Variants in HSPG2 observed in about 807,000 individuals in gnomAD.
The protein encoded by HSPG2 is heparan sulfate proteoglycan 2, also known as basement membrane-specific heparan sulfate proteoglycan core protein.
Under a neutral mutation model 526.6 loss-of-function variants are expected in HSPG2, and 278 were observed. That is an observed-to-expected ratio of 0.53 (90% CI 0.48 to 0.58). The LOEUF is 0.58. Among genes scored for constraint, HSPG2 ranks in the 20% least tolerant of loss-of-function variants. The probability of loss-of-function intolerance (pLI) is 0.00; values close to 1 mark genes in which losing one functional copy is unlikely to be tolerated. For synonymous variants in HSPG2, 2,465 were observed against 2,555.4 expected, an observed-to-expected ratio of 0.96 and a Z score of 1.07; for missense variants, 5,354 against 6,099.5, an observed-to-expected ratio of 0.88 and a Z score of 4.07.
rs752054813 is a variant in HSPG2, at chr1:21,847,109, G to A, written c.8164+245C>T. 2.6e-5 allele frequency among the ~76,000 whole-genome samples: 4 copies of A among 152,188 alleles called. No homozygotes were observed. The highest frequency in any genetic ancestry group is 4.1e-4 in the South Asian group (2 of 4,830). On this transcript the variant is annotated intron_variant, in intron 62 of 96. Transcript: ENST00000374695. The surrounding 1 kb of genome is among the most constrained non-coding windows in gnomAD (Gnocchi z 4.1). ...AACTCACTTAACCCTCACAAAATTCGTAAACTTCCTGTGATGATGGAAATG... is the reference window on the plus strand; with the variant it reads ...AACTCACTTAACCCTCACAAAATTCATAAACTTCCTGTGATGATGGAAATG...
chr1:21,843,202 C>T, intron 66 of HSPG2, 95 bp downstream of exon 66: 7 of 1,567,600 alleles, frequency 4.5e-6, no homozygotes, highest in Non-Finnish European at 6.1e-6. Flanking sequence ...CTGCAGGCAA[C>T]AATAAGTGCC....
chr1:21,886,007 G>A (rs1267807587), intron 9 of HSPG2, among the ~76,000 whole-genome samples: 4 of 152,232 alleles, frequency 2.6e-5, no homozygotes, highest in Non-Finnish European at 5.9e-5. Context: ...CTTCCTCAGG[G>A]AGATGGAGCT....
intron 50 of HSPG2, among the ~76,000 whole-genome samples, 192 bp from the exon 51 acceptor site, chr1:21,853,262 C>T (rs1009328355): frequency 1.3e-5 from 2 of 152,238 alleles, no homozygotes; most frequent in Non-Finnish European, 2.9e-5. Context: ...AGCCTCTAAC[C>T]ACAAGCTGGA....
At chr1:21,919,717 G>A (rs1643981010) in intron 1 of HSPG2, among the ~76,000 whole-genome samples, 1 of 152,128 alleles carries the variant, frequency 6.6e-6, no homozygotes, top group Non-Finnish European at 1.5e-5. Context: ...TGAGTCAGTA[G>A]GTCCAAGGGG....
rs777784545 is a variant in HSPG2, at chr1:21,828,923, G to A, written c.12149C>T (p.Thr4050Ile). 2 of 1,567,314 alleles carry A rather than the reference G, an allele frequency of 1.3e-6. No individual in the cohort carries two copies. Residue 4050 changes from threonine to isoleucine, a missense_variant, in exon 88 of 97, where the codon ACC (threonine) becomes ATC (isoleucine). Transcript: ENST00000374695. This position sits in a 1 kb window ranked among gnomAD's most constrained non-coding sequence, Gnocchi z 6.0. Reference protein sequence around the residue: ...PGKSQGLNLHTLLYLGGVEPS... With the variant: ...PGKSQGLNLHILLYLGGVEPS... ...CTCCACACCCCCCAGGTAGAGCAGG[G>A]TGTGCAGGTTGAGGCCCTGGCTCTT...
intron 55 of HSPG2, 190 bp downstream of exon 55, chr1:21,851,356 G>T: frequency 1.4e-6 from 1 of 719,908 alleles, no homozygotes; most frequent in Non-Finnish European, 2.3e-6. Flanking sequence ...CACAAGCTAA[G>T]TGGTGGAGCC....
intron 1 of HSPG2, among the ~76,000 whole-genome samples, chr1:21,924,491 T>C (rs1429177378): frequency 1.3e-5 from 2 of 152,064 alleles, no homozygotes; most frequent in South Asian, 2.1e-4. Context: ...CCACCAACTT[T>C]TGGGGGGTAG....
intron 1 of HSPG2, among the ~76,000 whole-genome samples, chr1:21,920,358 C>T (rs554357333): frequency 6.6e-6 from 1 of 152,368 alleles, no homozygotes; most frequent in Admixed American, 6.5e-5. Context: ...AAACCCCACC[C>T]GCCTCGAGTA....
chr1:21,884,475 ACAGAGGTACC>A (rs1427015741), intron 13 of HSPG2, 43 bp downstream of exon 13: 35 of 1,607,644 alleles, frequency 2.2e-5, no homozygotes, highest in Non-Finnish European at 2.0e-5. Flanking sequence ...CCCCCTGGGT[ACAGAGGTACC>A]CACCTCCCAC....
In HSPG2 at chr1:21,859,774, C is replaced by T; in HGVS notation, c.5182+61G>A. ...AGCATCCCACTAGGGCAGGGACAGG[C>T]CCCTGCCTCCCCTCCCACTGGGATG... On this transcript the variant is annotated intron_variant, in intron 41 of 96. Coordinates refer to ENST00000374695, the MANE Select transcript of HSPG2 (RefSeq NM_005529.7). This position sits in a 1 kb window ranked among gnomAD's most constrained non-coding sequence, Gnocchi z 5.3. The T allele has an allele frequency of 6.3e-7, 1 of 1,588,974 alleles. No homozygotes were observed. The highest frequency in any genetic ancestry group is 2.3e-5 in the East Asian group (1 of 44,344).
chr1:21,880,855 C>T lies in HSPG2; in HGVS notation c.1819-20G>A, dbSNP rs760560508. 1.2e-5 allele frequency: 19 copies of T among 1,575,900 alleles called. 1 individual carries two copies. The highest frequency in any genetic ancestry group is 5.4e-5 in the African/African-American group (4 of 74,118). On this transcript the variant is annotated intron_variant, in intron 14 of 96. Coordinates refer to ENST00000374695, the MANE Select transcript of HSPG2 (RefSeq NM_005529.7). ...GTCCACCTGGCACAACAGGGTGGATCAGCACGGGCAGCTGTGGGCACACTT... is the reference window on the plus strand; with the variant it reads ...GTCCACCTGGCACAACAGGGTGGATTAGCACGGGCAGCTGTGGGCACACTT...
rs1021312587 is a variant in HSPG2, at chr1:21,865,906, C to G, written c.4222-97G>C. On this transcript the variant is annotated intron_variant, in intron 33 of 96. Transcript: ENST00000374695. The surrounding 1 kb of genome is among the most constrained non-coding windows in gnomAD (Gnocchi z 5.4). The stretch of plus-strand genomic sequence containing the variant: ...TGGAGCATCTGGCGGCCTTTTTGCA[C>G]CTGTGCCACACTCCCCCACCCCCCT... The G allele has an allele frequency of 2.2e-6, 2 of 913,714 alleles. No individual in the cohort carries two copies. The highest frequency in any genetic ancestry group is 3.6e-6 in the Non-Finnish European group (2 of 556,742). 56.6% of individuals were successfully genotyped at this position (913,714 alleles called of 1,614,324 possible).
rs1027152003 is a variant in HSPG2 at position 21,858,672 on chromosome 1, C to T, written c.5293+894G>A. Among the ~76,000 whole-genome samples, 1 of 152,258 alleles carries T rather than the reference C, an allele frequency of 6.6e-6. No homozygotes were observed. Among genetic ancestry groups the T allele is most frequent in the Non-Finnish European group, 1.5e-5 (1 of 68,052 alleles). On this transcript the variant is annotated intron_variant, in intron 42 of 96. Coordinates refer to ENST00000374695, the MANE Select transcript of HSPG2 (RefSeq NM_005529.7). The surrounding 1 kb of genome is among the most constrained non-coding windows in gnomAD (Gnocchi z 4.2). ...GCTGCTGGTGGCCTAGCCACGCTTC[C>T]CACCCCCCGTGCCCACCTGCCTGAC...
At position 21,859,866 on chromosome 1, in the gene HSPG2, A is replaced by G. The variant is rs781256098; in HGVS notation, c.5151T>C (p.Pro1717=). 2 of 1,611,478 alleles carry G rather than the reference A, an allele frequency of 1.2e-6. No individual in the cohort carries two copies. The highest frequency in any genetic ancestry group is 1.7e-6 in the Non-Finnish European group (2 of 1,179,666). ...GTCGCTGCTGGGTGCCGCTGGGCAC[A>G]GGCCGCCCATCCTCACGGGACCAAT... ...YFYWSREDGR[P]VPSGTQQRHQ... The change falls in exon 41 of 97, where the codon CCT becomes CCC. Residue 1717 remains proline (P), a synonymous_variant. Coordinates refer to ENST00000374695, the MANE Select transcript of HSPG2 (RefSeq NM_005529.7). The surrounding 1 kb of genome is among the most constrained non-coding windows in gnomAD (Gnocchi z 5.3).
intron 33 of HSPG2, chr1:21,869,369 A>C (rs1640476703): frequency 1.3e-6 from 1 of 780,156 alleles, no homozygotes; most frequent in Admixed American, 6.2e-5. Context: ...ATAATAGTCC[A>C]AGTAGTTCAC....
At chr1:21,910,037 C>T (rs761555612) in intron 1 of HSPG2, among the ~76,000 whole-genome samples, 1 of 152,210 alleles carries the variant, frequency 6.6e-6, no homozygotes, top group Non-Finnish European at 1.5e-5. Flanking sequence ...CTAGAAAAGC[C>T]TTCCACAGAA....
intron 1 of HSPG2, among the ~76,000 whole-genome samples, chr1:21,931,437 G>A (rs1217736758): frequency 3.9e-5 from 6 of 152,206 alleles, no homozygotes; most frequent in Non-Finnish European, 7.3e-5. Flanking sequence ...GACCCTCGGC[G>A]CAGCCTCCCT....
At chr1:21,937,046 C>CG in intron 1 of HSPG2, 109 bp downstream of exon 1, 1 of 329,618 alleles carries the variant, frequency 3.0e-6, no homozygotes, top group Non-Finnish European at 4.4e-6. Context: ...AGAGTCCCCG[C>CG]CGCGCAGCCT....
intron 67 of HSPG2, 49 bp downstream of exon 67, chr1:21,842,721 A>G: frequency 6.2e-7 from 1 of 1,610,046 alleles, no homozygotes; most frequent in Non-Finnish European, 8.5e-7. Flanking sequence ...AAGCAACTGC[A>G]GGTCTAACCT....
Sources: allele counts gnomAD v4.1 joint callset (sites outside exome capture counted in the v4.1 genomes callset), GRCh38; gene constraint gnomAD v4.1.1; non-coding constraint Gnocchi (gnomAD v3.1); transcripts MANE v1.5; gene names NCBI Gene and HGNC (gene_info 2026-07-23, HGNC 2026-07-21).